Variants in RPAP3 observed in about 807,000 individuals in gnomAD.
RPAP3 encodes the protein RNA polymerase II-associated protein 3.
A neutral mutation model predicts 88.8 loss-of-function variants in RPAP3; 58 were observed. The ratio of observed to expected loss-of-function variants is 0.65; its 90% CI spans 0.53 to 0.81. RPAP3 has a LOEUF of 0.81. RPAP3 is among the 40% of genes least tolerant of loss of function. The pLI is 0.00. For synonymous variants in RPAP3, 255 were observed against 259.9 expected, an observed-to-expected ratio of 0.98 and a Z score of 0.18; for missense variants, 751 against 764.3, an observed-to-expected ratio of 0.98 and a Z score of 0.20.
chr12:47,684,823 G>A (rs2136627405), intron 9 of RPAP3, among the ~76,000 whole-genome samples: 1 of 152,248 alleles, frequency 6.6e-6, no homozygotes. Flanking sequence ...TCATAAGTGA[G>A]CAAGAGATGC....
chr12:47,673,444 C>CAA (rs35080899), intron 12 of RPAP3, among the ~76,000 whole-genome samples: 667 of 60,722 alleles, frequency 0.011, 37 homozygotes, highest in African/African-American at 0.035. Flanking sequence ...AACTCCGTCT[C>CAA]AAAAAAAAAA....
intron 9 of RPAP3, 93 bp from the exon 10 acceptor site, chr12:47,681,910 T>C (rs1939230916): frequency 7.4e-6 from 9 of 1,222,644 alleles, no homozygotes; most frequent in Non-Finnish European, 1.0e-5. Flanking sequence ...AGCTTGTATA[T>C]AATTTCAATC....
chr12:47,673,947 A>G (rs190923901), intron 12 of RPAP3, among the ~76,000 whole-genome samples: 8 of 151,034 alleles, frequency 5.3e-5, no homozygotes, highest in Admixed American at 1.3e-4. Flanking sequence ...TTCCTTTAAT[A>G]TAAGAGAAAT....
At chr12:47,680,884 T>G (rs556628374) in intron 10 of RPAP3, among the ~76,000 whole-genome samples, 1 of 148,370 alleles carries the variant, frequency 6.7e-6, no homozygotes, top group East Asian at 2.0e-4. Context: ...CTTCAGTTTG[T>G]AGGATGGCAG....
At chr12:47,663,812 T>C (rs1938809231) in intron 16 of RPAP3, among the ~76,000 whole-genome samples, 1 of 152,248 alleles carries the variant, frequency 6.6e-6, no homozygotes, top group Non-Finnish European at 1.5e-5. Flanking sequence ...TTTAGCAGTA[T>C]AAAATTTGCC....
intron 4 of RPAP3, 95 bp from the exon 5 acceptor site, chr12:47,696,498 A>G (rs995995126): frequency 9.5e-6 from 7 of 740,202 alleles, no homozygotes; most frequent in Non-Finnish European, 1.4e-5. Flanking sequence ...GCATGGGTCC[A>G]CTTAAATGTA....
chr12:47,680,218 A>G (rs577178250), intron 10 of RPAP3, among the ~76,000 whole-genome samples: 2 of 152,320 alleles, frequency 1.3e-5, no homozygotes, highest in South Asian at 2.1e-4. Flanking sequence ...CAAATACTGC[A>G]TGATTCCACT....
rs1033744308 is a variant in RPAP3, at chr12:47,663,473, G to C, written c.*32C>G. 7.0e-7 allele frequency: 1 copy of C among 1,432,344 alleles called. No individual in the cohort carries two copies. The highest frequency in any genetic ancestry group is 1.4e-5 in the African/African-American group (1 of 69,938). 88.7% of individuals were successfully genotyped at this position (1,432,344 alleles called of 1,614,324 possible). A position where few individuals can be genotyped will look rare whatever the true frequency, so the allele number is the denominator to read the frequency against. Reference sequence around the variant, plus strand: ...CAGTAGAAAAAATTTACATATGAAAGTCAAAAACAATTATTTCAGCAAAAA... The same window carrying C: ...CAGTAGAAAAAATTTACATATGAAACTCAAAAACAATTATTTCAGCAAAAA... On this transcript the variant is annotated 3_prime_UTR_variant, in exon 17 of 17. Transcript: ENST00000005386.
intron 3 of RPAP3, 100 bp from the exon 4 acceptor site, chr12:47,697,819 G>A: frequency 9.0e-7 from 1 of 1,110,750 alleles, no homozygotes; most frequent in Non-Finnish European, 1.3e-6. Flanking sequence ...AATGTAAATT[G>A]TTACAATCTA....
intron 9 of RPAP3, among the ~76,000 whole-genome samples, chr12:47,684,036 A>T (rs1939277135): frequency 6.6e-6 from 1 of 152,126 alleles, no homozygotes; most frequent in South Asian, 2.1e-4. Flanking sequence ...TACTCCCTCT[A>T]AGAATAGGAC....
chr12:47,684,725 T>C (rs946967593), intron 9 of RPAP3, among the ~76,000 whole-genome samples: 1 of 152,216 alleles, frequency 6.6e-6, no homozygotes, highest in Non-Finnish European at 1.5e-5. Flanking sequence ...TAAGAAGGCA[T>C]TACTCTTAGC....
At position 47,696,340 on chromosome 12, in the gene RPAP3, C is replaced by G. The variant is rs745826626; in HGVS notation, c.481G>C (p.Asp161His). The change falls in exon 5 of 17, where the codon GAT (aspartate) becomes CAT (histidine). Residue 161 changes from aspartate to histidine, a missense_variant. Coordinates refer to ENST00000005386, the MANE Select transcript of RPAP3 (RefSeq NM_024604.3). ...EAIDCYTKGM[D>H]ADPYNPVLPT... The stretch of plus-strand genomic sequence containing the variant: ...AACACGGGATTATATGGATCGGCAT[C>G]CATGCCTTTTGTGTAGCAGTCAATT... 5.0e-6 allele frequency: 8 copies of G among 1,601,252 alleles called. No individual in the cohort carries two copies. The South Asian group carries it at 9.1e-5, about 18-fold the overall frequency.
intron 8 of RPAP3, among the ~76,000 whole-genome samples, chr12:47,687,483 CAATA>C (rs550511711): frequency 3.7e-4 from 56 of 152,016 alleles, no homozygotes; most frequent in Non-Finnish European, 6.6e-4. Flanking sequence ...CCAGGAAAGG[CAATA>C]AATAAACTAA....
chr12:47,694,700 G>GA (rs563921803), intron 5 of RPAP3, among the ~76,000 whole-genome samples: 8 of 149,320 alleles, frequency 5.4e-5, no homozygotes, highest in African/African-American at 1.5e-4. Context: ...ATTTCACAGG[G>GA]AAAAAAAAGA....
intron 1 of RPAP3, among the ~76,000 whole-genome samples, chr12:47,705,159 TAGG>T (rs563213346): frequency 3.3e-5 from 5 of 151,872 alleles, no homozygotes; most frequent in African/African-American, 9.7e-5. Flanking sequence ...TCCAAAAAGG[TAGG>T]AGAAGAGTCA....
intron 4 of RPAP3, among the ~76,000 whole-genome samples, chr12:47,696,958 T>TA (rs1387845463): frequency 6.6e-6 from 1 of 152,196 alleles, no homozygotes; most frequent in African/African-American, 2.4e-5. Context: ...ATGGTCACTG[T>TA]ATGGGTACAA....
chr12:47,699,946 GA>G (rs1417462475), intron 3 of RPAP3: 1 of 151,460 alleles, frequency 6.6e-6, no homozygotes, highest in Non-Finnish European at 1.5e-5. Context: ...CTACTTTTCA[GA>G]GGTCATCTAC....
At chr12:47,704,547 T>A (rs1004565732) in intron 1 of RPAP3, among the ~76,000 whole-genome samples, 4 of 151,470 alleles carry the variant, frequency 2.6e-5, no homozygotes, top group Admixed American at 2.6e-4. Flanking sequence ...TTTTGTATTT[T>A]TTTTTTTTTT....
intron 3 of RPAP3, chr12:47,699,290 T>TGAGATGATGCCTTTCAG (rs1229366208): frequency 6.6e-6 from 1 of 152,166 alleles, no homozygotes; most frequent in Non-Finnish European, 1.5e-5. Flanking sequence ...AGAAATCATC[T>TGAGATGATGCCTTTCAG]GAGATGATGC....
Sources: gnomAD v4.1 joint callset for allele counts (sites outside exome capture counted in the v4.1 genomes callset) on GRCh38, gnomAD v4.1.1 for gene constraint, MANE v1.5 for transcripts, NCBI Gene and HGNC (gene_info 2026-07-23, HGNC 2026-07-21) for gene names.